ACADS: variants seen among roughly 807,000 people sequenced by gnomAD.
The protein encoded by ACADS is short-chain specific acyl-CoA dehydrogenase, mitochondrial.
Under a neutral mutation model 46.8 loss-of-function variants are expected in ACADS, and 28 were observed. The ratio of observed to expected loss-of-function variants is 0.60; its 90% CI spans 0.44 to 0.82. The LOEUF (loss-of-function observed/expected upper bound fraction) is 0.82. Ranked by LOEUF, ACADS falls within the 40% of genes least tolerant of loss-of-function variation. The pLI is 0.00. For synonymous variants in ACADS, 236 were observed against 237.7 expected, an observed-to-expected ratio of 0.99 and a Z score of 0.07; for missense variants, 528 against 578.0, an observed-to-expected ratio of 0.91 and a Z score of 0.89.
chr12:120,727,736 A>C (rs1883129519), intron 2 of ACADS, among the ~76,000 whole-genome samples: 1 of 152,116 alleles, frequency 6.6e-6, no homozygotes, highest in Non-Finnish European at 1.5e-5. Context: ...GCGTTTCACC[A>C]TGTTGGCCAG....
chr12:120,738,712 A>T (rs574769708), intron 7 of ACADS, 42 bp downstream of exon 7: 1 of 1,609,258 alleles, frequency 6.2e-7, no homozygotes, highest in East Asian at 2.2e-5. Flanking sequence ...GAGGCTGGAC[A>T]GCGGGCGGAG....
chr12:120,737,088 A>G lies in ACADS; in HGVS notation c.313A>G (p.Ile105Val). The G allele has an allele frequency of 6.3e-7, 1 of 1,599,832 alleles. No individual in the cohort carries two copies. The highest frequency in any genetic ancestry group is 8.5e-7 in the Non-Finnish European group (1 of 1,173,158). Reference protein sequence around the residue: ...YLAYAIAMEEISRGCASTGVI... With the variant: ...YLAYAIAMEEVSRGCASTGVI... ...GGCCTACGCCATCGCCATGGAGGAG[A>G]TCAGCCGTGGCTGCGCCTCCACCGG... Residue 105 changes from isoleucine to valine, a missense_variant, in exon 3 of 10, where the codon ATC becomes GTC. Coordinates refer to ENST00000242592, the MANE Select transcript of ACADS (RefSeq NM_000017.4).
chr12:120,739,330 CAG>C lies in ACADS; in HGVS notation c.1125_1126del (p.Glu375AspfsTer14). On this transcript the variant is annotated frameshift_variant, in exon 10 of 10. Coordinates refer to ENST00000242592, the MANE Select transcript of ACADS (RefSeq NM_000017.4). LOFTEE classifies it high-confidence loss of function. ...ATCCTGGGCGGCATGGGCTACGTGA[CAG>C]AGATGCCGGCAGAGCGGCACTACCG... The C allele has an allele frequency of 1.2e-6, 2 of 1,613,076 alleles. No individual in the cohort carries two copies. Among genetic ancestry groups the C allele is most frequent in the South Asian group, 1.1e-5 (1 of 91,078 alleles).
rs1883209563 is a variant in ACADS at position 120,730,185 on chromosome 12, G to T, written c.210+2996G>T. ...TTTAGTAGAGACGGGGTTTCACCATGTTGGCCAGGCTGGTCTCGAACTCTT... is the reference window on the plus strand; with the variant it reads ...TTTAGTAGAGACGGGGTTTCACCATTTTGGCCAGGCTGGTCTCGAACTCTT... On this transcript the variant is annotated intron_variant, in intron 2 of 9. Transcript: ENST00000242592. 2.6e-5 allele frequency among the ~76,000 whole-genome samples: 4 copies of T among 152,292 alleles called. No individual in the cohort carries two copies. In the South Asian group the frequency reaches 6.2e-4, roughly 24 times the overall value.
chr12:120,729,015 G>A (rs566302324), intron 2 of ACADS, among the ~76,000 whole-genome samples: 1 of 152,276 alleles, frequency 6.6e-6, no homozygotes, highest in East Asian at 1.9e-4. Flanking sequence ...TTCTCAGGGT[G>A]CAGGTCAGGG....
intron 1 of ACADS, among the ~76,000 whole-genome samples, chr12:120,726,271 G>A (rs1377954263): frequency 1.3e-5 from 2 of 151,938 alleles, no homozygotes; most frequent in East Asian, 3.9e-4. Flanking sequence ...CCGCATCTGT[G>A]ACCTTGGGCA....
rs1018642132 is a variant in ACADS, at chr12:120,728,207, A to T, written c.210+1018A>T. 1.6e-4 allele frequency among the ~76,000 whole-genome samples: 24 copies of T among 152,084 alleles called. No individual in the cohort carries two copies. Among genetic ancestry groups the T allele is most frequent in the Admixed American group, 2.0e-4 (3 of 15,280 alleles). On this transcript the variant is annotated intron_variant, in intron 2 of 9. Coordinates refer to ENST00000242592, the MANE Select transcript of ACADS (RefSeq NM_000017.4). The surrounding 1 kb of genome is among the most constrained non-coding windows in gnomAD (Gnocchi z 4.0). Reference sequence around the variant, plus strand: ...GGCGATCTGCCCGCCTTGGCGTCCCAAAGTGCTGGGATTACAGGCGTGAGC... The same window carrying T: ...GGCGATCTGCCCGCCTTGGCGTCCCTAAGTGCTGGGATTACAGGCGTGAGC...
chr12:120,737,581 T>C (rs1883497555), intron 4 of ACADS, 114 bp downstream of exon 4: 1 of 1,157,890 alleles, frequency 8.6e-7, no homozygotes, highest in Admixed American at 2.0e-5. Flanking sequence ...GCTCCCCGTG[T>C]GGTTGGTAGG....
chr12:120,737,580 G>C, intron 4 of ACADS, 113 bp downstream of exon 4: 1 of 1,165,472 alleles, frequency 8.6e-7, no homozygotes, highest in Non-Finnish European at 1.2e-6. Context: ...GGCTCCCCGT[G>C]TGGTTGGTAG....
intron 1 of ACADS, among the ~76,000 whole-genome samples, chr12:120,726,226 C>T (rs576294725): frequency 9.2e-5 from 14 of 151,926 alleles, no homozygotes; most frequent in Non-Finnish European, 1.8e-4. Context: ...AGGGTGCGTC[C>T]TTCTTCCGGA....
At chr12:120,731,871 T>TA (rs1407463755) in intron 2 of ACADS, among the ~76,000 whole-genome samples, 1 of 152,110 alleles carries the variant, frequency 6.6e-6, no homozygotes, top group Non-Finnish European at 1.5e-5. Flanking sequence ...AGCATCTGTT[T>TA]AACAAAGCAC....
intron 2 of ACADS, among the ~76,000 whole-genome samples, chr12:120,736,747 G>A (rs901461024): frequency 6.6e-6 from 1 of 152,200 alleles, no homozygotes; most frequent in Admixed American, 6.5e-5. Flanking sequence ...GGCTGTGGAC[G>A]GAGCGGGGAG....
intron 2 of ACADS, among the ~76,000 whole-genome samples, chr12:120,730,790 G>GGT (rs1321371854): frequency 1.1e-5 from 1 of 91,280 alleles, no homozygotes; most frequent in Non-Finnish European, 1.8e-5. Context: ...TGAAAAGGAG[G>GGT]GTGTGTCTCT....
At chr12:120,734,371 G>A (rs1181462895) in intron 2 of ACADS, among the ~76,000 whole-genome samples, 1 of 152,224 alleles carries the variant, frequency 6.6e-6, no homozygotes, top group African/African-American at 2.4e-5. Flanking sequence ...GGGCCGCAGA[G>A]CTTGATGTGC....
chr12:120,737,272 A>G (rs993815554), intron 3 of ACADS, 84 bp from the exon 4 acceptor site: 1 of 1,533,898 alleles, frequency 6.5e-7, no homozygotes, highest in African/African-American at 1.4e-5. Context: ...GGCCCTGGAC[A>G]GAACAGGCCC....
chr12:120,729,084 C>T (rs1680058622), intron 2 of ACADS, among the ~76,000 whole-genome samples: 1 of 152,082 alleles, frequency 6.6e-6, no homozygotes, highest in African/African-American at 2.4e-5. Flanking sequence ...TCTAGGAGGC[C>T]ACCCCTTGAG....
intron 3 of ACADS, 66 bp from the exon 4 acceptor site, chr12:120,737,290 C>T (rs1883481578): frequency 3.9e-6 from 6 of 1,547,564 alleles, no homozygotes; most frequent in Admixed American, 3.7e-5. Context: ...CCCTGAGGTG[C>T]AGCCCGCAGG....
In ACADS at chr12:120,727,599, C is replaced by T. The variant is rs551182104; in HGVS notation, c.210+410C>T. 5.6e-4 allele frequency among the ~76,000 whole-genome samples: 85 copies of T among 152,276 alleles called. No homozygotes were observed. In the East Asian group the frequency reaches 0.014, roughly 25 times the overall value. Reference sequence around the variant, plus strand: ...TGGCTCAGGCTGGAGTGCAATGGTGCGACCTCGCCTCACTGCAGCCTCTGC... The same window carrying T: ...TGGCTCAGGCTGGAGTGCAATGGTGTGACCTCGCCTCACTGCAGCCTCTGC... On this transcript the variant is annotated intron_variant, in intron 2 of 9. Transcript: ENST00000242592.
At chr12:120,732,345 CG>C (rs975634449) in intron 2 of ACADS, among the ~76,000 whole-genome samples, 104 of 152,062 alleles carry the variant, frequency 6.8e-4, no homozygotes, top group African/African-American at 2.0e-3. Flanking sequence ...GGGTGGCTGC[CG>C]GACGGGGTGG....
Sources: allele counts gnomAD v4.1 joint callset (sites outside exome capture counted in the v4.1 genomes callset), GRCh38; gene constraint gnomAD v4.1.1; non-coding constraint Gnocchi (gnomAD v3.1); transcripts MANE v1.5; gene names NCBI Gene and HGNC (gene_info 2026-07-23, HGNC 2026-07-21).